Variants in CACNB2 observed in about 807,000 individuals in gnomAD.
The protein encoded by CACNB2 is voltage-dependent L-type calcium channel subunit beta-2.
CACNB2 carries 42 observed loss-of-function variants against 73.3 expected under a neutral mutation model. The ratio of observed to expected loss-of-function variants is 0.57; its 90% CI spans 0.45 to 0.74. The LOEUF (loss-of-function observed/expected upper bound fraction) is 0.74, where lower values mean the gene tolerates loss of function less well. Ranked by LOEUF, CACNB2 falls within the 30% of genes least tolerant of loss-of-function variation. The probability of loss-of-function intolerance (pLI) is 0.00; values close to 1 mark genes in which losing one functional copy is unlikely to be tolerated. For synonymous variants in CACNB2, 348 were observed against 310.3 expected, an observed-to-expected ratio of 1.12 and a Z score of -1.28; for missense variants, 940 against 853.0, an observed-to-expected ratio of 1.10 and a Z score of -1.27.
chr10:18,421,548 C>T (rs935371026), intron 3 of CACNB2, among the ~76,000 whole-genome samples: 1 of 152,156 alleles, frequency 6.6e-6, no homozygotes, highest in Non-Finnish European at 1.5e-5. Flanking sequence ...GATCCACCCA[C>T]CTCAACCTCC....
chr10:18,456,440 G>A (rs751481028), intron 3 of CACNB2, among the ~76,000 whole-genome samples: 2 of 152,114 alleles, frequency 1.3e-5, no homozygotes, highest in Non-Finnish European at 2.9e-5. Flanking sequence ...CTCCAGCCTG[G>A]ATGACAGAGC....
At chr10:18,210,551 A>C (rs1046641536) in intron 2 of CACNB2, among the ~76,000 whole-genome samples, 1 of 152,046 alleles carries the variant, frequency 6.6e-6, no homozygotes, top group Non-Finnish European at 1.5e-5. Flanking sequence ...ACCTGGTTGG[A>C]TTGCTGGTTC....
At chr10:18,193,266 C>T (rs1358529193) in intron 2 of CACNB2, among the ~76,000 whole-genome samples, 1 of 52,560 alleles carries the variant, frequency 1.9e-5, no homozygotes, top group Non-Finnish European at 3.4e-5. Flanking sequence ...GAGAAAGTGT[C>T]AAGCTTTTTT....
At chr10:18,410,390 C>T (rs1156540335) in intron 3 of CACNB2, among the ~76,000 whole-genome samples, 1 of 152,144 alleles carries the variant, frequency 6.6e-6, no homozygotes, top group Non-Finnish European at 1.5e-5. Context: ...AAATATTTCT[C>T]ATCTTGCCTT....
At chr10:18,294,347 A>G (rs1237568520) in intron 2 of CACNB2, among the ~76,000 whole-genome samples, 2 of 152,180 alleles carry the variant, frequency 1.3e-5, no homozygotes, top group Non-Finnish European at 2.9e-5. Flanking sequence ...GTTCTCTGAG[A>G]TGTGCTGAGG....
chr10:18,351,042 C>G (rs2041683574), intron 2 of CACNB2, among the ~76,000 whole-genome samples: 1 of 151,972 alleles, frequency 6.6e-6, no homozygotes, highest in Admixed American at 6.6e-5. Context: ...TATTATATGC[C>G]AGCTACTTTT....
At chr10:18,197,748 A>G (rs1280454555) in intron 2 of CACNB2, among the ~76,000 whole-genome samples, 2 of 152,028 alleles carry the variant, frequency 1.3e-5, no homozygotes, top group Non-Finnish European at 2.9e-5. Flanking sequence ...TGACAGGGAG[A>G]ATGGGATTCC....
intron 2 of CACNB2, among the ~76,000 whole-genome samples, chr10:18,259,260 T>A (rs2037417772): frequency 6.6e-6 from 1 of 152,032 alleles, no homozygotes. Context: ...TATAAAAGTG[T>A]TGCTTTAAAT....
chr10:18,219,257 A>T (rs1162313480), intron 2 of CACNB2, among the ~76,000 whole-genome samples: 2 of 152,108 alleles, frequency 1.3e-5, no homozygotes, highest in African/African-American at 2.4e-5. Context: ...TGGTTATAAC[A>T]TGTTCCTTTT....
At chr10:18,212,064 C>T (rs147837962) in intron 2 of CACNB2, among the ~76,000 whole-genome samples, 114 of 152,302 alleles carry the variant, frequency 7.5e-4, no homozygotes, top group African/African-American at 2.7e-3. Context: ...GGTGTTTGTA[C>T]AGCTGAATAG....
At chr10:18,148,056 C>T (rs1365452706) in intron 1 of CACNB2, among the ~76,000 whole-genome samples, 1 of 149,560 alleles carries the variant, frequency 6.7e-6, no homozygotes, top group Non-Finnish European at 1.5e-5. Flanking sequence ...ATTATAATAA[C>T]AAAATAACTG....
rs1236368642 is a variant in CACNB2 at position 18,193,633 on chromosome 10, G to A, written c.213+42658G>A. Reference sequence around the variant, plus strand: ...CCCCACTCTAGTGTGGTGGGTTGATGTGTGTTTTACCTCTGAGGGGCTCAC... The same window carrying A: ...CCCCACTCTAGTGTGGTGGGTTGATATGTGTTTTACCTCTGAGGGGCTCAC... On this transcript the variant is annotated intron_variant, in intron 2 of 13. Coordinates refer to ENST00000324631, the MANE Select transcript of CACNB2 (RefSeq NM_201596.3). Among the ~76,000 whole-genome samples the A allele has an allele frequency of 4.6e-5, 7 of 152,170 alleles. No individual in the cohort carries two copies. In the East Asian group the frequency reaches 5.8e-4, roughly 13 times the overall value.
intron 3 of CACNB2, among the ~76,000 whole-genome samples, chr10:18,409,253 G>A (rs900301733): frequency 4.6e-5 from 7 of 150,886 alleles, no homozygotes; most frequent in African/African-American, 1.2e-4. Context: ...AGCCGAGGTC[G>A]TGCCATTGCA....
chr10:18,538,554 A>G (rs1156650822), intron 13 of CACNB2, among the ~76,000 whole-genome samples, 189 bp downstream of exon 13: 1 of 152,122 alleles, frequency 6.6e-6, no homozygotes, highest in Non-Finnish European at 1.5e-5. Context: ...ATATATTGGG[A>G]ACATACACAG....
At chr10:18,161,198 C>T (rs1224172818) in intron 2 of CACNB2, among the ~76,000 whole-genome samples, 1 of 152,194 alleles carries the variant, frequency 6.6e-6, no homozygotes, top group Non-Finnish European at 1.5e-5. Flanking sequence ...AAGTCCCTGT[C>T]CCCTGCCATT....
At chr10:18,441,507 T>C (rs917440892) in intron 3 of CACNB2, among the ~76,000 whole-genome samples, 1 of 152,226 alleles carries the variant, frequency 6.6e-6, no homozygotes, top group Non-Finnish European at 1.5e-5. Context: ...TTTTCATCTT[T>C]TTCTTTTTGT....
chr10:18,442,942 G>GTATATATATATA lies in CACNB2; in HGVS notation c.333+40900_333+40901insATATATATATAT, dbSNP rs1564553339. ...TATATATATGTATATATATATATATGTGTATATATATATATGTATATATAT... is the reference window on the plus strand; with the variant it reads ...TATATATATGTATATATATATATATGTATATATATATATGTATATATATATATGTATATATAT... On this transcript the variant is annotated intron_variant, in intron 3 of 13. Coordinates refer to ENST00000324631, the MANE Select transcript of CACNB2 (RefSeq NM_201596.3). 3.8e-4 allele frequency among the ~76,000 whole-genome samples: 13 copies of GTATATATATATA among 33,908 alleles called. 1 individual carries two copies. In the East Asian group the frequency reaches 0.014, roughly 36 times the overall value. 22.2% of individuals were successfully genotyped at this position (33,908 alleles called of 152,430 possible). A position where few individuals can be genotyped will look rare whatever the true frequency, so the allele number is the denominator to read the frequency against.
At chr10:18,313,093 T>G (rs1250784636) in intron 2 of CACNB2, among the ~76,000 whole-genome samples, 1 of 152,150 alleles carries the variant, frequency 6.6e-6, no homozygotes, top group Non-Finnish European at 1.5e-5. Context: ...TTTTTATAGT[T>G]GCATTTAGAT....
At chr10:18,406,726 T>C (rs1410589680) in intron 3 of CACNB2, among the ~76,000 whole-genome samples, 2 of 152,194 alleles carry the variant, frequency 1.3e-5, no homozygotes, top group African/African-American at 4.8e-5. Context: ...GCACAATCAA[T>C]GTAATGTGCT....
Sources: gnomAD v4.1 joint callset for allele counts (sites outside exome capture counted in the v4.1 genomes callset) on GRCh38, gnomAD v4.1.1 for gene constraint, MANE v1.5 for transcripts, NCBI Gene and HGNC (gene_info 2026-07-23, HGNC 2026-07-21) for gene names.